TRPM6: variants seen among roughly 807,000 people sequenced by gnomAD.
The protein encoded by TRPM6 is channel kinase 2.
Under a neutral mutation model 247.6 loss-of-function variants are expected in TRPM6, and 111 were observed. The observed-to-expected ratio is 0.45, with a 90% CI of 0.38 to 0.52. The LOEUF (loss-of-function observed/expected upper bound fraction) is 0.52, where lower values mean the gene tolerates loss of function less well. TRPM6 is among the 20% of genes least tolerant of loss of function. The pLI is 0.00. For missense variants in TRPM6, 2,126 were observed against 2,421.5 expected, an observed-to-expected ratio of 0.88 and a Z score of 2.56; for synonymous variants, 892 against 853.8, an observed-to-expected ratio of 1.04 and a Z score of -0.78.
chr9:74,808,972 A>G (rs1005453131), intron 13 of TRPM6, among the ~76,000 whole-genome samples: 1 of 152,178 alleles, frequency 6.6e-6, no homozygotes, highest in Non-Finnish European at 1.5e-5. Context: ...GATATATTAC[A>G]AGGGTATTGA....
intron 18 of TRPM6, among the ~76,000 whole-genome samples, chr9:74,795,620 T>A (rs1587514444): frequency 6.6e-6 from 1 of 152,154 alleles, no homozygotes; most frequent in African/African-American, 2.4e-5. Flanking sequence ...ATCATAAAAC[T>A]GTCACTAACC....
chr9:74,836,298 CT>C (rs1422369132), intron 5 of TRPM6, among the ~76,000 whole-genome samples: 1 of 152,172 alleles, frequency 6.6e-6, no homozygotes, highest in Non-Finnish European at 1.5e-5. Context: ...TCTTCCTATT[CT>C]TCCTATGTGT....
chr9:74,883,871 C>T (rs369552817), intron 1 of TRPM6, among the ~76,000 whole-genome samples: 1 of 152,108 alleles, frequency 6.6e-6, no homozygotes, highest in Non-Finnish European at 1.5e-5. Flanking sequence ...ATAAATAGAT[C>T]GGGTGCAGTG....
At chr9:74,821,518 TG>T (rs1459224278) in intron 8 of TRPM6, 150 bp downstream of exon 8, 1 of 943,524 alleles carries the variant, frequency 1.1e-6, no homozygotes, top group Non-Finnish European at 1.6e-6. Context: ...ATTTTGATGT[TG>T]AACAACAAAC....
intron 1 of TRPM6, among the ~76,000 whole-genome samples, chr9:74,874,241 C>A (rs57926857): frequency 0.023 from 3,146 of 136,828 alleles, 92 homozygotes; most frequent in African/African-American, 0.071. Context: ...GTCTTAAAAA[C>A]AAAAAAAAAA....
intron 30 of TRPM6, among the ~76,000 whole-genome samples, chr9:74,749,862 A>T (rs1364782806): frequency 1.3e-5 from 2 of 152,180 alleles, no homozygotes; most frequent in Non-Finnish European, 1.5e-5. Flanking sequence ...CCCTAGAGAA[A>T]GACCATCTCT....
rs752129230 is a variant in TRPM6, at chr9:74,803,806, T to A, written c.1719A>T (p.Pro573=). The A allele has an allele frequency of 1.9e-6, 3 of 1,610,738 alleles. No individual in the cohort carries two copies. The highest frequency in any genetic ancestry group is 1.1e-5 in the South Asian group (1 of 91,018). The part of the protein sequence containing the change: ...LHSQFIRTAQ[P]YKFKEKSIVL... ...AAGTAAATGGTACCTTGAATTTGTA[T>A]GGCTGTGCAGTTCTAATGAACTGGG... The change falls in exon 15 of 39, where the codon CCA becomes CCT. Residue 573 remains proline (P), a synonymous_variant. Coordinates refer to ENST00000360774, the MANE Select transcript of TRPM6 (RefSeq NM_017662.5).
intron 33 of TRPM6, among the ~76,000 whole-genome samples, 188 bp from the exon 34 acceptor site, chr9:74,740,197 A>G (rs1259128968): frequency 6.6e-6 from 1 of 152,228 alleles, no homozygotes; most frequent in Non-Finnish European, 1.5e-5. Flanking sequence ...TTTATTGTCT[A>G]GTAGATGTGG....
At chr9:74,800,140 A>T (rs1828265214) in intron 17 of TRPM6, 114 bp downstream of exon 17, 5 of 980,872 alleles carry the variant, frequency 5.1e-6, no homozygotes, top group Non-Finnish European at 7.9e-6. Context: ...ATGAGCTCTC[A>T]AATATATTAA....
At chr9:74,781,946 GTCA>G (rs1243493951) in intron 23 of TRPM6, among the ~76,000 whole-genome samples, 3 of 152,144 alleles carry the variant, frequency 2.0e-5, no homozygotes, top group African/African-American at 7.2e-5. Flanking sequence ...TTTTATCTTT[GTCA>G]TTATTCCCTC....
intron 21 of TRPM6, 123 bp from the exon 22 acceptor site, chr9:74,782,976 C>T: frequency 1.1e-6 from 1 of 917,908 alleles, no homozygotes; most frequent in South Asian, 1.4e-5. Context: ...TTGACTAAAA[C>T]ACCCTTGTGC....
rs1302465296 is a variant in TRPM6 at position 74,812,571 on chromosome 9, A to G, written c.1309-138T>C. On this transcript the variant is annotated intron_variant, in intron 11 of 38. Coordinates refer to ENST00000360774, the MANE Select transcript of TRPM6 (RefSeq NM_017662.5). ...TCCTGCCATCAGTGGGTACAGAAAAAAAAAAAAAAGGAAAAAATTTAAATA... is the reference window on the plus strand; with the variant it reads ...TCCTGCCATCAGTGGGTACAGAAAAGAAAAAAAAAGGAAAAAATTTAAATA... The G allele has an allele frequency of 5.8e-6, 5 of 855,322 alleles. No homozygotes were observed. The East Asian group carries it at 1.3e-4, about 23-fold the overall frequency. The allele number at this position is 855,322 out of a possible 1,614,324, so 53.0% of individuals were successfully genotyped here. A position where few individuals can be genotyped will look rare whatever the true frequency, so the allele number is the denominator to read the frequency against.
intron 6 of TRPM6, among the ~76,000 whole-genome samples, chr9:74,829,789 C>G (rs1437314730): frequency 6.6e-6 from 1 of 151,848 alleles, no homozygotes; most frequent in African/African-American, 2.4e-5. Context: ...AGAAATGCAG[C>G]ATACTTGACA....
chr9:74,728,198 G>C, intron 38 of TRPM6, 41 bp downstream of exon 38: 1 of 1,374,190 alleles, frequency 7.3e-7, no homozygotes, highest in Non-Finnish European at 1.0e-6. Context: ...GTTGTTCTAT[G>C]AGAGATTTAC....
intron 31 of TRPM6, 32 bp downstream of exon 31, chr9:74,747,857 A>T: frequency 6.4e-7 from 1 of 1,562,762 alleles, no homozygotes; most frequent in Non-Finnish European, 8.8e-7. Flanking sequence ...ATGAAAAAAT[A>T]AAAAATAAAA....
intron 28 of TRPM6, among the ~76,000 whole-genome samples, chr9:74,754,734 T>C (rs2118808174): frequency 6.6e-6 from 1 of 152,366 alleles, no homozygotes; most frequent in Middle Eastern, 3.4e-3. Flanking sequence ...AAATGTCTCT[T>C]ATCTAATGCA....
intron 5 of TRPM6, 141 bp downstream of exon 5, chr9:74,839,883 A>AGGG: frequency 1.8e-6 from 1 of 558,736 alleles, no homozygotes; most frequent in Non-Finnish European, 3.1e-6. Context: ...GGAAGGAAGG[A>AGGG]AGGAAGGAAG....
intron 2 of TRPM6, among the ~76,000 whole-genome samples, chr9:74,856,215 G>T (rs1334056533): frequency 3.9e-5 from 6 of 152,074 alleles, no homozygotes; most frequent in South Asian, 2.1e-4. Flanking sequence ...GAGGTGAGAG[G>T]ATTGCTTGAG....
intron 30 of TRPM6, among the ~76,000 whole-genome samples, chr9:74,750,153 T>C (rs1260856584): frequency 1.3e-5 from 2 of 152,220 alleles, no homozygotes; most frequent in African/African-American, 4.8e-5. Context: ...TCCCTCTCTG[T>C]CTCAATCTTT....
Sources: allele counts gnomAD v4.1 joint callset (sites outside exome capture counted in the v4.1 genomes callset), GRCh38; gene constraint gnomAD v4.1.1; transcripts MANE v1.5; gene names NCBI Gene and HGNC (gene_info 2026-07-23, HGNC 2026-07-21).